The following ROR2 variants were observed in gnomAD, a reference collection of about 807,000 sequenced individuals.
ROR2 encodes ROR family WNT receptor 2.
A neutral mutation model predicts 74.9 loss-of-function variants in ROR2; 33 were observed. That is an observed-to-expected ratio of 0.44 (90% confidence interval 0.33 to 0.59). The LOEUF is 0.59. Ranked by LOEUF, ROR2 falls within the 20% of genes least tolerant of loss-of-function variation. The probability of loss-of-function intolerance (pLI) is 0.02; values close to 1 mark genes in which losing one functional copy is unlikely to be tolerated. For synonymous variants in ROR2, 586 were observed against 558.7 expected (o/e 1.05, Z -0.69); for missense variants, 1,216 against 1,313.8 (o/e 0.93, Z 1.15).
intron 2 of ROR2, among the ~76,000 whole-genome samples, chr9:91,771,368 T>C (rs773339308): frequency 5.3e-5 from 8 of 152,242 alleles, no homozygotes; most frequent in Non-Finnish European, 1.2e-4. Flanking sequence ...CTGTATTCCA[T>C]GTGCATTTAA....
At chr9:91,730,171 G>A (rs973876196) in intron 7 of ROR2, among the ~76,000 whole-genome samples, 23 of 152,108 alleles carry the variant, frequency 1.5e-4, no homozygotes, top group African/African-American at 5.6e-4. Flanking sequence ...TCAAGCTCCT[G>A]GGTTCAAGAG....
chr9:91,876,491 C>T (rs780950040), intron 1 of ROR2, among the ~76,000 whole-genome samples: 6 of 152,156 alleles, frequency 3.9e-5, no homozygotes, highest in Non-Finnish European at 7.3e-5. Context: ...TCACCATCCA[C>T]GCATGCAAAC....
chr9:91,760,494 C>T (rs954375932), intron 2 of ROR2, among the ~76,000 whole-genome samples: 10 of 152,022 alleles, frequency 6.6e-5, no homozygotes, highest in African/African-American at 1.9e-4. Context: ...ATTAGCCAGG[C>T]GAGGTGGCGG....
intron 1 of ROR2, among the ~76,000 whole-genome samples, chr9:91,922,557 G>A (rs531781586): frequency 5.3e-5 from 8 of 152,096 alleles, no homozygotes; most frequent in South Asian, 2.1e-4. Flanking sequence ...AGGTTCAAGC[G>A]ATTCTCCGGC....
At position 91,755,732 on chromosome 9, in the gene ROR2, C is replaced by T. The variant is rs537241517; in HGVS notation, c.494+339G>A. The stretch of plus-strand genomic sequence containing the variant: ...AGTGCTGGGATTTCAGAGTGAATTA[C>T]GTCCCTGTTTCCCAATGTCCTAATG... On this transcript the variant is annotated intron_variant, in intron 4 of 8. Coordinates refer to ENST00000375708, the MANE Select transcript of ROR2 (RefSeq NM_004560.4). Among the ~76,000 whole-genome samples the T allele has an allele frequency of 7.9e-5, 12 of 152,354 alleles. No homozygotes were observed. In the South Asian group the frequency reaches 1.9e-3, roughly 24 times the overall value.
chr9:91,927,527 G>A (rs1831437951), intron 1 of ROR2, among the ~76,000 whole-genome samples: 1 of 149,138 alleles, frequency 6.7e-6, no homozygotes, highest in African/African-American at 2.5e-5. Context: ...CCCTATCTCT[G>A]TGCCCTCTGT....
At chr9:91,868,440 C>CA (rs1829704288) in intron 1 of ROR2, among the ~76,000 whole-genome samples, 1 of 151,816 alleles carries the variant, frequency 6.6e-6, no homozygotes, top group African/African-American at 2.4e-5. Context: ...ATAAATGTGG[C>CA]AAAAAAATGT....
At chr9:91,942,943 C>T (rs1378782876) in intron 1 of ROR2, among the ~76,000 whole-genome samples, 1 of 152,170 alleles carries the variant, frequency 6.6e-6, no homozygotes, top group African/African-American at 2.4e-5. Context: ...TAGGTCACCC[C>T]GTTTATGGCA....
intron 1 of ROR2, among the ~76,000 whole-genome samples, chr9:91,856,866 C>A (rs1156894055): frequency 6.6e-6 from 1 of 152,224 alleles, no homozygotes; most frequent in Non-Finnish European, 1.5e-5. Context: ...CTCATAGAGT[C>A]CCCACAACAG....
At chr9:91,851,847 G>A (rs572605805) in intron 1 of ROR2, among the ~76,000 whole-genome samples, 2 of 151,920 alleles carry the variant, frequency 1.3e-5, no homozygotes, top group East Asian at 3.9e-4. Context: ...GTGGTAGTGC[G>A]CGCCTGTAAT....
chr9:91,867,656 CTGTGTGTGTGTGTGTGTGTGTG>C (rs57475950), intron 1 of ROR2, among the ~76,000 whole-genome samples: 20 of 131,288 alleles, frequency 1.5e-4, no homozygotes, highest in Non-Finnish European at 2.9e-4. Context: ...CACCCATGAG[CTGTGTGTGTGTGTGTGTGTGTG>C]TGTGTGTGTG....
At chr9:91,808,198 C>A (rs966713363) in intron 1 of ROR2, among the ~76,000 whole-genome samples, 1 of 152,104 alleles carries the variant, frequency 6.6e-6, no homozygotes, top group Non-Finnish European at 1.5e-5. Flanking sequence ...CTATTAGGAT[C>A]CTGCATTTTC....
At chr9:91,859,710 A>C (rs1214640752) in intron 1 of ROR2, among the ~76,000 whole-genome samples, 3 of 152,110 alleles carry the variant, frequency 2.0e-5, no homozygotes, top group Middle Eastern at 3.2e-3. Flanking sequence ...CTGTAATCCC[A>C]GCTACTTGAG....
At chr9:91,744,686 T>A (rs977323853) in intron 4 of ROR2, among the ~76,000 whole-genome samples, 13 of 152,156 alleles carry the variant, frequency 8.5e-5, no homozygotes, top group African/African-American at 3.1e-4. Flanking sequence ...AACACCAATG[T>A]TTGATATCAT....
intron 2 of ROR2, among the ~76,000 whole-genome samples, chr9:91,761,217 C>T (rs532145044): frequency 6.6e-6 from 1 of 152,310 alleles, no homozygotes; most frequent in South Asian, 2.1e-4. Flanking sequence ...TCCCATAGAC[C>T]AGTGGTCCCC....
At chr9:91,784,851 TC>T (rs1826741183) in intron 1 of ROR2, among the ~76,000 whole-genome samples, 1 of 152,208 alleles carries the variant, frequency 6.6e-6, no homozygotes, top group Non-Finnish European at 1.5e-5. Flanking sequence ...CTTAATGTCT[TC>T]CATGAGGTAA....
chr9:91,949,081 C>T (rs1832094864), intron 1 of ROR2, among the ~76,000 whole-genome samples: 1 of 151,800 alleles, frequency 6.6e-6, no homozygotes, highest in Admixed American at 6.5e-5. Flanking sequence ...AGCCGGGCCC[C>T]GCCCCTCCCG....
At chr9:91,758,220 G>T (rs931510784) in intron 2 of ROR2, among the ~76,000 whole-genome samples, 5 of 152,164 alleles carry the variant, frequency 3.3e-5, no homozygotes, top group Non-Finnish European at 5.9e-5. Flanking sequence ...GGCCACAAAA[G>T]CACCGTAAGT....
At chr9:91,774,918 G>C (rs956316707) in intron 2 of ROR2, among the ~76,000 whole-genome samples, 12 of 152,202 alleles carry the variant, frequency 7.9e-5, no homozygotes, top group Non-Finnish European at 4.4e-5. Flanking sequence ...CCGCCTATAG[G>C]ACTATTGGGT....
Sources: gnomAD v4.1 joint callset for allele counts (sites outside exome capture counted in the v4.1 genomes callset) on GRCh38, gnomAD v4.1.1 for gene constraint, MANE v1.5 for transcripts, NCBI Gene and HGNC (gene_info 2026-07-23, HGNC 2026-07-21) for gene names.